PARD3B: variants seen among roughly 807,000 people sequenced by gnomAD.
PARD3B encodes the protein par-3 family cell polarity regulator beta.
In PARD3B, 103 loss-of-function variants were observed where a neutral mutation model predicts 130.2. The observed-to-expected ratio is 0.79, with a 90% CI of 0.67 to 0.93. The LOEUF is 0.93. Among genes scored for constraint, PARD3B ranks in the 40% least tolerant of loss-of-function variants. The probability of loss-of-function intolerance (pLI) is 0.00; values close to 1 mark genes in which losing one functional copy is unlikely to be tolerated. For synonymous variants in PARD3B, 583 were observed against 553.2 expected (o/e 1.05, Z -0.76); for missense variants, 1,609 against 1,499.2 (o/e 1.07, Z -1.21).
At chr2:205,066,001 C>A (rs1321115186) in intron 4 of PARD3B, among the ~76,000 whole-genome samples, 3 of 152,058 alleles carry the variant, frequency 2.0e-5, no homozygotes, top group Non-Finnish European at 2.9e-5. Context: ...ACAAAAACAA[C>A]AAAACCTTAC....
intron 1 of PARD3B, among the ~76,000 whole-genome samples, chr2:204,644,297 C>T (rs1320734162): frequency 6.9e-6 from 1 of 145,894 alleles, no homozygotes; most frequent in Non-Finnish European, 1.5e-5. Flanking sequence ...TATTTTACTA[C>T]TCAAAGTGCA....
intron 1 of PARD3B, among the ~76,000 whole-genome samples, chr2:204,655,167 A>G (rs1195884966): frequency 6.6e-6 from 1 of 152,124 alleles, no homozygotes; most frequent in Non-Finnish European, 1.5e-5. Context: ...CCTTAGTTCT[A>G]TAGCTAAATT....
intron 15 of PARD3B, among the ~76,000 whole-genome samples, chr2:205,206,713 G>A (rs1337349847): frequency 6.6e-6 from 1 of 151,992 alleles, no homozygotes; most frequent in African/African-American, 2.4e-5. Context: ...ATGCTTTATA[G>A]TCCTTTGGGT....
chr2:204,942,888 A>T (rs1689018370), intron 2 of PARD3B, among the ~76,000 whole-genome samples: 1 of 152,182 alleles, frequency 6.6e-6, no homozygotes, highest in African/African-American at 2.4e-5. Context: ...ACTGGGGCTT[A>T]CTTGAGGAGG....
intron 1 of PARD3B, among the ~76,000 whole-genome samples, chr2:204,656,501 A>T (rs1016728342): frequency 2.0e-5 from 3 of 152,162 alleles, no homozygotes; most frequent in South Asian, 4.1e-4. Flanking sequence ...GTTTAGGGGT[A>T]AGGAGACTAT....
At chr2:205,501,665 C>G (rs2050163716) in intron 21 of PARD3B, among the ~76,000 whole-genome samples, 1 of 152,140 alleles carries the variant, frequency 6.6e-6, no homozygotes, top group Non-Finnish European at 1.5e-5. Flanking sequence ...TTCCTATGAG[C>G]AAAATAAGAC....
rs975267604 is a variant in PARD3B at position 205,508,930 on chromosome 2, A to T, written c.3180+8899A>T. ...CAAGTAGTAAAACAAAAAGAAAAAA[A>T]ATTGAGAAAAGAAGAGGACAAAATA... On this transcript the variant is annotated intron_variant, in intron 21 of 22. Coordinates refer to ENST00000406610, the MANE Select transcript of PARD3B (RefSeq NM_001302769.2). Among the ~76,000 whole-genome samples, 34 of 152,308 alleles carry T rather than the reference A, an allele frequency of 2.2e-4. 1 individual carries two copies. Among genetic ancestry groups the T allele is most frequent in the African/African-American group, 8.2e-4 (34 of 41,564 alleles).
At chr2:205,540,539 T>C (rs1325304688) in intron 21 of PARD3B, among the ~76,000 whole-genome samples, 1 of 152,186 alleles carries the variant, frequency 6.6e-6, no homozygotes, top group Non-Finnish European at 1.5e-5. Flanking sequence ...GGACAGGTTT[T>C]TGAGACTGAA....
chr2:205,099,347 TG>T (rs1485589440), intron 4 of PARD3B, among the ~76,000 whole-genome samples: 5 of 152,234 alleles, frequency 3.3e-5, no homozygotes, highest in African/African-American at 1.2e-4. Context: ...ATATGGTAGC[TG>T]TTTGGCATCA....
intron 1 of PARD3B, among the ~76,000 whole-genome samples, chr2:204,552,099 CA>C (rs1343610163): frequency 2.0e-5 from 3 of 152,242 alleles, no homozygotes; most frequent in African/African-American, 7.2e-5. Context: ...AGTTCAGATC[CA>C]ATGCTCTTCT....
intron 16 of PARD3B, among the ~76,000 whole-genome samples, chr2:205,272,970 T>C (rs1217590587): frequency 6.6e-6 from 1 of 152,228 alleles, no homozygotes; most frequent in Non-Finnish European, 1.5e-5. Context: ...TAAGTAGTTA[T>C]ACATGAGACA....
intron 21 of PARD3B, among the ~76,000 whole-genome samples, chr2:205,508,641 C>A (rs982655642): frequency 1.3e-5 from 2 of 151,692 alleles, no homozygotes; most frequent in East Asian, 3.9e-4. Context: ...ACACGATGGG[C>A]AATCCCTTCT....
intron 22 of PARD3B, among the ~76,000 whole-genome samples, chr2:205,595,639 G>A (rs2054543119): frequency 6.6e-6 from 1 of 152,174 alleles, no homozygotes; most frequent in Non-Finnish European, 1.5e-5. Context: ...TATGGCTGGA[G>A]CAAAGCAGCA....
At position 204,792,901 on chromosome 2, in the gene PARD3B, A is replaced by AT. The variant is rs143691383; in HGVS notation, c.222+106632dup. On this transcript the variant is annotated intron_variant, in intron 2 of 22. Coordinates refer to ENST00000406610, the MANE Select transcript of PARD3B (RefSeq NM_001302769.2). ...TGAACATAATAATAAGGCTTTACCTATTTTTTTTTTTTTATAGACCCGTTC... is the reference window on the plus strand; with the variant it reads ...TGAACATAATAATAAGGCTTTACCTATTTTTTTTTTTTTTATAGACCCGTTC... Among the ~76,000 whole-genome samples the AT allele has an allele frequency of 4.4e-3, 628 of 143,862 alleles. 2 individuals are homozygous for AT. The highest frequency in any genetic ancestry group is 7.4e-3 in the Middle Eastern group (2 of 272). 94.4% of individuals were successfully genotyped at this position (143,862 alleles called of 152,430 possible). A position where few individuals can be genotyped will look rare whatever the true frequency, so the allele number is the denominator to read the frequency against.
chr2:205,103,596 T>C (rs2125573292), intron 4 of PARD3B: 1 of 528,138 alleles, frequency 1.9e-6, no homozygotes, highest in Non-Finnish European at 2.4e-6. Flanking sequence ...GTTTGTTGCT[T>C]TGATGAAACC....
chr2:205,473,661 T>TGG lies in PARD3B; in HGVS notation c.3045-26234_3045-26233insGG, dbSNP rs2048917331. On this transcript the variant is annotated intron_variant, in intron 20 of 22. Transcript: ENST00000406610. The surrounding 1 kb of genome is among the most constrained non-coding windows in gnomAD (Gnocchi z 4.9). ...CAATATAAGGTTATATATATGTGTG[T>TGG]GTGTGTGTGTGTGTGTGTGTATGTA... is the stretch of plus-strand genomic sequence containing the variant. Among the ~76,000 whole-genome samples the TGG allele has an allele frequency of 1.0e-5, 1 of 98,732 alleles. No homozygotes were observed. The highest frequency in any genetic ancestry group is 3.0e-4 in the South Asian group (1 of 3,338). The allele number at this position is 98,732 out of a possible 152,430, so 64.8% of individuals were successfully genotyped here. A position where few individuals can be genotyped will look rare whatever the true frequency, so the allele number is the denominator to read the frequency against.
At chr2:204,667,070 A>G (rs1411070924) in intron 1 of PARD3B, among the ~76,000 whole-genome samples, 1 of 152,158 alleles carries the variant, frequency 6.6e-6, no homozygotes, top group Non-Finnish European at 1.5e-5. Context: ...GGGAGAGAGG[A>G]TGAGGAAATG....
intron 7 of PARD3B, among the ~76,000 whole-genome samples, chr2:205,119,277 T>C (rs928191428): frequency 1.3e-5 from 2 of 152,180 alleles, no homozygotes; most frequent in Non-Finnish European, 2.9e-5. Flanking sequence ...CAAGCCTTCC[T>C]GCCTGGCTGT....
At chr2:204,900,904 G>A (rs1374792565) in intron 2 of PARD3B, among the ~76,000 whole-genome samples, 1 of 152,156 alleles carries the variant, frequency 6.6e-6, no homozygotes, top group Non-Finnish European at 1.5e-5. Context: ...TCTTGGATAA[G>A]ATCTGGAAGA....
Sources: allele counts gnomAD v4.1 joint callset (sites outside exome capture counted in the v4.1 genomes callset), GRCh38; gene constraint gnomAD v4.1.1; non-coding constraint Gnocchi (gnomAD v3.1); transcripts MANE v1.5; gene names NCBI Gene and HGNC (gene_info 2026-07-23, HGNC 2026-07-21).